The following KIF21A variants were observed in gnomAD, a reference collection of about 807,000 sequenced individuals.
KIF21A encodes the protein kinesin family member 21A, also known as kinesin-like protein KIF21A.
In KIF21A, 114 loss-of-function variants were observed where a neutral mutation model predicts 202.9. The ratio of observed to expected loss-of-function variants is 0.56; its 90% CI spans 0.48 to 0.66. The LOEUF is 0.66. Ranked by LOEUF, KIF21A falls within the 30% of genes least tolerant of loss-of-function variation. KIF21A has a pLI of 0.00. For synonymous variants in KIF21A, 667 were observed against 670.8 expected, an observed-to-expected ratio of 0.99 and a Z score of 0.09; for missense variants, 1,677 against 1,994.9, an observed-to-expected ratio of 0.84 and a Z score of 3.04.
chr12:39,435,542 G>A (rs1938571819), intron 1 of KIF21A, among the ~76,000 whole-genome samples: 1 of 152,084 alleles, frequency 6.6e-6, no homozygotes, highest in Non-Finnish European at 1.5e-5. Flanking sequence ...CTTCTGAAAT[G>A]GGTCTGGTTA....
intron 12 of KIF21A, among the ~76,000 whole-genome samples, chr12:39,344,403 A>G (rs1057086902): frequency 6.6e-6 from 1 of 152,224 alleles, no homozygotes; most frequent in African/African-American, 2.4e-5. Context: ...CAGGCTTTCC[A>G]GTTCCCTCTC....
intron 12 of KIF21A, 113 bp from the exon 13 acceptor site, chr12:39,342,237 T>C (rs1172410188): frequency 1.3e-6 from 1 of 767,620 alleles, no homozygotes; most frequent in African/African-American, 1.7e-5. Context: ...ACTTTAAATG[T>C]TGGTCACTTA....
At chr12:39,360,017 G>A (rs901091028) in intron 7 of KIF21A, among the ~76,000 whole-genome samples, 1 of 152,126 alleles carries the variant, frequency 6.6e-6, no homozygotes, top group Non-Finnish European at 1.5e-5. Context: ...AGAAGGGAAG[G>A]ACTCGCCTTT....
intron 7 of KIF21A, 96 bp from the exon 8 acceptor site, chr12:39,358,469 T>C (rs1457888808): frequency 1.8e-6 from 2 of 1,107,568 alleles, no homozygotes; most frequent in East Asian, 4.7e-5. Context: ...TAGTATCTTC[T>C]CTTCAAGATA....
chr12:39,404,299 C>T (rs947496486), intron 1 of KIF21A, among the ~76,000 whole-genome samples: 1 of 152,132 alleles, frequency 6.6e-6, no homozygotes, highest in Non-Finnish European at 1.5e-5. Flanking sequence ...ATGTAGGAGC[C>T]ACTGACATAT....
rs113487784 is a variant in KIF21A, at chr12:39,353,145, A to T, written c.1470-1165T>A. Among the ~76,000 whole-genome samples the T allele has an allele frequency of 2.6e-3, 396 of 152,250 alleles. 3 individuals are homozygous for T. The highest frequency in any genetic ancestry group is 8.7e-3 in the African/African-American group (362 of 41,544). On this transcript the variant is annotated intron_variant, in intron 10 of 37. Coordinates refer to ENST00000361418, the MANE Select transcript of KIF21A (RefSeq NM_001173464.2). Reference sequence around the variant, plus strand: ...TGCAACACTAAGCTCTGGAAGGCACAGTCAGCTCAGTGCTTTTCCATTGCC... The same window carrying T: ...TGCAACACTAAGCTCTGGAAGGCACTGTCAGCTCAGTGCTTTTCCATTGCC...
At chr12:39,401,948 C>T (rs972008042) in intron 1 of KIF21A, among the ~76,000 whole-genome samples, 2 of 152,130 alleles carry the variant, frequency 1.3e-5, no homozygotes, top group Admixed American at 1.3e-4. Context: ...TTACAAGTTG[C>T]AAATATGCAG....
chr12:39,326,106 C>T (rs1945880615), intron 25 of KIF21A, among the ~76,000 whole-genome samples, 158 bp downstream of exon 25: 1 of 152,124 alleles, frequency 6.6e-6, no homozygotes, highest in Admixed American at 6.5e-5. Flanking sequence ...GATAGTTAAG[C>T]ATGACTTAAC....
intron 33 of KIF21A, among the ~76,000 whole-genome samples, chr12:39,309,064 A>G (rs1026140492): frequency 5.3e-4 from 81 of 152,310 alleles, no homozygotes; most frequent in African/African-American, 1.8e-3. Flanking sequence ...CAGAAAAAAC[A>G]AATTAATCCT....
Position 39,319,993 on chromosome 12 carries a change from G to A in KIF21A, c.3692C>T (p.Ser1231Leu), listed in dbSNP as rs1252175888. The A allele has an allele frequency of 6.3e-7, 1 of 1,598,558 alleles. No homozygotes were observed. The highest frequency in any genetic ancestry group is 1.1e-5 in the South Asian group (1 of 90,108). ...IGSISRQSSL[S>L]EKKIPEPSPV... is the part of the protein sequence containing the mutation. ...AGAAGGCTCTGGAATTTTTTTTTCT[G>A]ATAGAGATGACTGCCTGGAACTAAA... The change falls in exon 28 of 38, where the codon TCA becomes TTA. Residue 1231 changes from serine (S) to leucine (L), a missense_variant. Ser to Leu is a moderately radical substitution (Grantham distance 145). Coordinates refer to ENST00000361418, the MANE Select transcript of KIF21A (RefSeq NM_001173464.2).
chr12:39,442,938 C>T lies in KIF21A; in HGVS notation c.33G>A (p.Arg11=), dbSNP rs912841846. The T allele has an allele frequency of 2.0e-6, 3 of 1,524,362 alleles. No homozygotes were observed. The highest frequency in any genetic ancestry group is 2.8e-5 in the African/African-American group (2 of 70,868). 94.4% of individuals were successfully genotyped at this position (1,524,362 alleles called of 1,614,324 possible). A position where few individuals can be genotyped will look rare whatever the true frequency, so the allele number is the denominator to read the frequency against. The part of the protein sequence containing the change: MLGAPDESSV[R]VAVRIRPQLA... ...CAGACTGTCCTCACCTGACAGCCACCCGCACGGAGCTCTCGTCCGGGGCGC... is the reference window on the plus strand; with the variant it reads ...CAGACTGTCCTCACCTGACAGCCACTCGCACGGAGCTCTCGTCCGGGGCGC... Residue 11 remains arginine, a synonymous_variant, in exon 1 of 38, where the codon CGG becomes CGA. Transcript: ENST00000361418. This position sits in a 1 kb window ranked among gnomAD's most constrained non-coding sequence, Gnocchi z 5.0.
At chr12:39,310,972 G>T (rs1285705835) in intron 32 of KIF21A, among the ~76,000 whole-genome samples, 3 of 152,048 alleles carry the variant, frequency 2.0e-5, no homozygotes, top group African/African-American at 7.2e-5. Flanking sequence ...AAATGAGGAT[G>T]CAACATGTAT....
chr12:39,322,265 A>G (rs1430823022), intron 27 of KIF21A: 1 of 160,458 alleles, frequency 6.2e-6, no homozygotes, highest in Non-Finnish European at 1.4e-5. Context: ...TCCTGACAGG[A>G]CTCTTAAAAC....
intron 12 of KIF21A, among the ~76,000 whole-genome samples, chr12:39,344,069 G>A (rs1157828875): frequency 6.6e-6 from 1 of 152,064 alleles, no homozygotes; most frequent in East Asian, 1.9e-4. Flanking sequence ...ATTGTAACAG[G>A]GTTCCATGAG....
intron 1 of KIF21A, among the ~76,000 whole-genome samples, chr12:39,379,447 C>A (rs1355906173): frequency 6.6e-6 from 1 of 152,038 alleles, no homozygotes; most frequent in African/African-American, 2.4e-5. Context: ...CTGGTCTCTG[C>A]ATGATGAAAG....
chr12:39,324,316 C>T (rs952434893), intron 26 of KIF21A, among the ~76,000 whole-genome samples: 3 of 152,114 alleles, frequency 2.0e-5, no homozygotes, highest in African/African-American at 4.8e-5. Context: ...CAGGAGATGA[C>T]CTTTAGGCCA....
Position 39,369,819 on chromosome 12 carries a change from GT to G in KIF21A, c.359del (p.His120ProfsTer12). On this transcript the variant is annotated frameshift_variant, in exon 3 of 38. Transcript: ENST00000361418. LOFTEE classifies it high-confidence loss of function. ...TTTTTTCTTCAATACTCTTAAAAAG[GT>G]GTTTAACAGCTCGAGAAATAATACC... ...ELGIISRAVK[H>X]LFKSIEEKKH... 6.2e-7 allele frequency: 1 copy of G among 1,612,068 alleles called. No homozygotes were observed. The highest frequency in any genetic ancestry group is 8.5e-7 in the Non-Finnish European group (1 of 1,178,470).
At chr12:39,374,039 C>T (rs1036798372) in intron 1 of KIF21A, among the ~76,000 whole-genome samples, 1 of 152,172 alleles carries the variant, frequency 6.6e-6, no homozygotes, top group Non-Finnish European at 1.5e-5. Context: ...GCTGACTATA[C>T]TTCAAAGACT....
intron 36 of KIF21A, among the ~76,000 whole-genome samples, chr12:39,302,380 G>A (rs1412292327): frequency 1.3e-5 from 2 of 152,010 alleles, no homozygotes; most frequent in African/African-American, 2.4e-5. Context: ...AAGCAACTAC[G>A]ACATATAAAT....
Sources: allele counts gnomAD v4.1 joint callset (sites outside exome capture counted in the v4.1 genomes callset), GRCh38; gene constraint gnomAD v4.1.1; non-coding constraint Gnocchi (gnomAD v3.1); transcripts MANE v1.5; gene names NCBI Gene and HGNC (gene_info 2026-07-23, HGNC 2026-07-21).